Variants in SPG11 observed in about 807,000 individuals in gnomAD.
SPG11 encodes the protein spatacsin.
SPG11 carries 222 observed loss-of-function variants against 274.0 expected under a neutral mutation model. That is an observed-to-expected ratio of 0.81 (90% CI 0.73 to 0.91). SPG11 has a LOEUF of 0.91. SPG11 is among the 40% of genes least tolerant of loss of function. SPG11 has a pLI of 0.00. For synonymous variants in SPG11, 1,144 were observed against 1,039.7 expected, an observed-to-expected ratio of 1.10 and a Z score of -1.93; for missense variants, 3,114 against 2,872.7, an observed-to-expected ratio of 1.08 and a Z score of -1.92.
At chr15:44,645,274 T>C (rs962650890) in intron 7 of SPG11, among the ~76,000 whole-genome samples, 5 of 152,128 alleles carry the variant, frequency 3.3e-5, no homozygotes, top group African/African-American at 4.8e-5. Context: ...AGCAGACACA[T>C]AGACCAATAG....
chr15:44,565,858 T>C lies in SPG11; in HGVS notation c.6995A>G (p.Tyr2332Cys), dbSNP rs745833461. ...ACAGTTTGCTTTCTTGCTCACCTGG[T>C]AGAACCGAGGTAGGGCCAGAATACA... ...MDCILALPRF[Y>C]QASIVAEAYD... Residue 2332 changes from tyrosine to cysteine, a missense_variant, in exon 38 of 40, where the codon TAC (tyrosine) becomes TGC (cysteine). Physicochemically the swap from Tyr to Cys is radical, Grantham distance 194. Transcript: ENST00000261866. The C allele has an allele frequency of 1.2e-6, 2 of 1,614,078 alleles. No homozygotes were observed. Among genetic ancestry groups the C allele is most frequent in the Admixed American group, 1.7e-5 (1 of 60,012 alleles).
chr15:44,603,375 AGCCACTGCACCTG>A (rs1316228884), intron 20 of SPG11, among the ~76,000 whole-genome samples: 1 of 152,204 alleles, frequency 6.6e-6, no homozygotes, highest in African/African-American at 2.4e-5. Flanking sequence ...TACAGGCATG[AGCCACTGCACCTG>A]GCCTCCAACA....
chr15:44,611,086 CCCAGTAA>C, intron 17 of SPG11, 101 bp from the exon 18 acceptor site: 3 of 220,804 alleles, frequency 1.4e-5, no homozygotes, highest in African/African-American at 4.5e-5. Flanking sequence ...TAACTCTATC[CCCAGTAA>C]AAAAAAAAAA....
In SPG11 at chr15:44,608,586, T is replaced by A. The variant is rs140247471; in HGVS notation, c.3311A>T (p.Asn1104Ile). ...GVSQVVQNEE[N>I]ENCLKKVDPQ... ...ATCCACTTTCTTCAAACAGTTTTCA[T>A]TTTCTTCATTCTGAACAACCTAAGT... The change falls in exon 19 of 40, where the codon AAT becomes ATT. Residue 1104 changes from asparagine (N) to isoleucine (I), a missense_variant. By Grantham distance (149) the Asn-to-Ile change is moderately radical. Coordinates refer to ENST00000261866, the MANE Select transcript of SPG11 (RefSeq NM_025137.4). 2.2e-5 allele frequency: 35 copies of A among 1,613,930 alleles called. 1 individual carries two copies. In the African/African-American group the frequency reaches 3.6e-4, roughly 17 times the overall value.
chr15:44,629,370 G>A lies in SPG11; in HGVS notation c.1754C>T (p.Pro585Leu). ...LYLRNVEELI[P>L]ALDLLCSAIR... ...TGCCGAGCAAAGTAAATCCAATGCT[G>A]GTATCAGCTCTTCCACATCTGAGAA... The change falls in exon 9 of 40, where the codon CCA becomes CTA. Residue 585 changes from proline (P) to leucine (L), a missense_variant. Transcript: ENST00000261866. 6.2e-7 allele frequency: 1 copy of A among 1,613,972 alleles called. No individual in the cohort carries two copies. Among genetic ancestry groups the A allele is most frequent in the South Asian group, 1.1e-5 (1 of 91,060 alleles).
At chr15:44,596,659 TC>T (rs2083048106) in intron 24 of SPG11, 124 bp downstream of exon 24, 3 of 510,856 alleles carry the variant, frequency 5.9e-6, no homozygotes, top group Non-Finnish European at 6.2e-6. Flanking sequence ...CGTATCCTGG[TC>T]AAAAAAAAAA....
chr15:44,606,810 A>G (rs1196956039), intron 19 of SPG11, among the ~76,000 whole-genome samples: 1 of 152,178 alleles, frequency 6.6e-6, no homozygotes, highest in Non-Finnish European at 1.5e-5. Flanking sequence ...AATAACCACT[A>G]AAAAAATTAA....
At chr15:44,643,959 T>C (rs1014136517) in intron 7 of SPG11, among the ~76,000 whole-genome samples, 2 of 151,864 alleles carry the variant, frequency 1.3e-5, no homozygotes, top group Non-Finnish European at 2.9e-5. Flanking sequence ...GTCAGGAGTT[T>C]GAGACCATCC....
At chr15:44,573,280 C>T (rs986117817) in intron 32 of SPG11, 16 of 601,480 alleles carry the variant, frequency 2.7e-5, no homozygotes, top group Admixed American at 8.7e-5. Flanking sequence ...CCACCGCGCC[C>T]GGCCAGGACA....
In SPG11 at chr15:44,566,003, A is replaced by T; in HGVS notation, c.6850T>A (p.Cys2284Ser). The change falls in exon 38 of 40, where the codon TGT becomes AGT. Residue 2284 changes from cysteine (C) to serine (S), a missense_variant. Transcript: ENST00000261866. ...TGACAGTGCTGGGCCTGTCGCACAC[A>T]GGAGTCCTGAGGAACAAGGGTGGAG... is the stretch of plus-strand genomic sequence containing the variant. ...DAAESYAKDS[C>S]VRQAQHCQRL... The T allele has an allele frequency of 1.9e-6, 3 of 1,613,670 alleles. No homozygotes were observed. The highest frequency in any genetic ancestry group is 2.5e-6 in the Non-Finnish European group (3 of 1,180,026).
At chr15:44,577,569 C>CT (rs1196001128) in intron 30 of SPG11, among the ~76,000 whole-genome samples, 6 of 150,854 alleles carry the variant, frequency 4.0e-5, no homozygotes, top group African/African-American at 1.5e-4. Context: ...TAAAATGCAA[C>CT]TCAGACCATG....
At position 44,584,284 on chromosome 15, in the gene SPG11, T is replaced by C; in HGVS notation, c.5396A>G (p.Lys1799Arg). The change falls in exon 30 of 40, where the codon AAG becomes AGG. Residue 1799 changes from lysine (K) to arginine (R), a missense_variant. Lys to Arg is a conservative substitution (Grantham distance 26). Transcript: ENST00000261866. ...VPLDKLEELE[K>R]QIWLCRITQH... ...GGTGATGCGGCACAGCCAGATCTGC[T>C]TCTCCAGCTCCTCCAGCTTATCCAA... The C allele has an allele frequency of 6.2e-7, 1 of 1,613,474 alleles. No homozygotes were observed. Among genetic ancestry groups the C allele is most frequent in the Non-Finnish European group, 8.5e-7 (1 of 1,179,510 alleles).
At chr15:44,577,604 C>A (rs1288521219) in intron 30 of SPG11, among the ~76,000 whole-genome samples, 2 of 151,904 alleles carry the variant, frequency 1.3e-5, no homozygotes, top group African/African-American at 2.4e-5. Context: ...AAATCCTTCA[C>A]TGAGAGTTCC....
Position 44,610,950 on chromosome 15 carries a change from C to G in SPG11, c.3181G>C (p.Ala1061Pro), listed in dbSNP as rs1243999988. 5 of 1,613,720 alleles carry G rather than the reference C, an allele frequency of 3.1e-6. No homozygotes were observed. Among genetic ancestry groups the G allele is most frequent in the African/African-American group, 2.7e-5 (2 of 74,824 alleles). ...KLIFQASLAN[A>P]QILIPTNQAS... ...TGATTGGTGGGAATCAAAATCTGAGCATTTGCAAGGCTAGCCTGGAAGATC... is the reference window on the plus strand; with the variant it reads ...TGATTGGTGGGAATCAAAATCTGAGGATTTGCAAGGCTAGCCTGGAAGATC... The change falls in exon 18 of 40, where the codon GCT (alanine) becomes CCT (proline). Residue 1061 changes from alanine (A) to proline (P), a missense_variant. Physicochemically the swap from Ala to Pro is conservative, Grantham distance 27. Coordinates refer to ENST00000261866, the MANE Select transcript of SPG11 (RefSeq NM_025137.4).
chr15:44,605,966 T>C, intron 20 of SPG11, 59 bp downstream of exon 20: 4 of 1,385,826 alleles, frequency 2.9e-6, no homozygotes, highest in Non-Finnish European at 4.1e-6. Flanking sequence ...ATTACATGTA[T>C]TAACTTCTGT....
intron 17 of SPG11, 86 bp from the exon 18 acceptor site, chr15:44,611,071 AT>A (rs753068478): frequency 6.6e-5 from 68 of 1,027,984 alleles, no homozygotes; most frequent in Non-Finnish European, 9.1e-5. Context: ...AATAACATAA[AT>A]TTTTAACTCT....
chr15:44,568,279 C>T (rs2082349248), intron 35 of SPG11, among the ~76,000 whole-genome samples: 1 of 152,126 alleles, frequency 6.6e-6, no homozygotes, highest in African/African-American at 2.4e-5. Flanking sequence ...TATTTAAATG[C>T]AGAAGGAAAA....
chr15:44,625,515 T>C (rs1018251938), intron 11 of SPG11, among the ~76,000 whole-genome samples: 1 of 152,164 alleles, frequency 6.6e-6, no homozygotes, highest in Admixed American at 6.5e-5. Context: ...TCTCTTCCTC[T>C]TTCTCCTGCC....
chr15:44,621,916 T>C lies in SPG11; in HGVS notation c.2463A>G (p.Gln821=), dbSNP rs750597481. ...QSFPRYWIKE[Q]DFFKHKSVLD... is the part of the protein sequence containing the mutation. The stretch of plus-strand genomic sequence containing the variant: ...AAACAGACTTGTGCTTGAAAAAATC[T>C]TGTTCCTTTATCCAGTACCTAAAAA... The change falls in exon 14 of 40, where the codon CAA becomes CAG. Residue 821 remains glutamine (Q), a synonymous_variant. Coordinates refer to ENST00000261866, the MANE Select transcript of SPG11 (RefSeq NM_025137.4). 1 of 1,613,592 alleles carries C rather than the reference T, an allele frequency of 6.2e-7. No individual in the cohort carries two copies. Among genetic ancestry groups the C allele is most frequent in the Non-Finnish European group, 8.5e-7 (1 of 1,179,802 alleles).
Sources: gnomAD v4.1 joint callset for allele counts (sites outside exome capture counted in the v4.1 genomes callset) on GRCh38, gnomAD v4.1.1 for gene constraint, MANE v1.5 for transcripts, NCBI Gene and HGNC (gene_info 2026-07-23, HGNC 2026-07-21) for gene names.